The following CACNA2D3 variants were observed in gnomAD, a reference collection of about 807,000 sequenced individuals.
The protein encoded by CACNA2D3 is voltage-dependent calcium channel subunit alpha-2/delta-3.
Under a neutral mutation model 160.6 loss-of-function variants are expected in CACNA2D3, and 60 were observed. That is an observed-to-expected ratio of 0.37 (90% CI 0.30 to 0.46). CACNA2D3 has a LOEUF of 0.46. Among genes scored for constraint, CACNA2D3 ranks in the 20% least tolerant of loss-of-function variants. CACNA2D3 has a pLI of 1.00. For synonymous variants in CACNA2D3, 558 were observed against 492.9 expected (o/e 1.13, Z -1.75); for missense variants, 1,205 against 1,365.0 (o/e 0.88, Z 1.85).
At chr3:54,660,940 T>G (rs1432501277) in intron 11 of CACNA2D3, among the ~76,000 whole-genome samples, 1 of 152,132 alleles carries the variant, frequency 6.6e-6, no homozygotes, top group Non-Finnish European at 1.5e-5. Context: ...ACAGCTGAGG[T>G]TGGTGACTGA....
intron 5 of CACNA2D3, among the ~76,000 whole-genome samples, 185 bp downstream of exon 5, chr3:54,503,839 G>A (rs7430102): frequency 0.12 from 17,827 of 152,150 alleles, 1,269 homozygotes; most frequent in East Asian, 0.28. Context: ...TGGAGCTTCT[G>A]GGCTTGCTGT....
At position 54,763,788 on chromosome 3, in the gene CACNA2D3, T is replaced by TAC. The variant is rs374469206; in HGVS notation, c.1247-430_1247-429insAC. The stretch of plus-strand genomic sequence containing the variant: ...ATATATGTATATATGTACATATATA[T>TAC]GTATATATATGTACATATATATACA... On this transcript the variant is annotated intron_variant, in intron 12 of 37. Coordinates refer to ENST00000474759, the MANE Select transcript of CACNA2D3 (RefSeq NM_018398.3). 2.0e-3 allele frequency among the ~76,000 whole-genome samples: 79 copies of TAC among 38,540 alleles called. 15 individuals are homozygous for TAC. The highest frequency in any genetic ancestry group is 2.0e-3 in the South Asian group (2 of 998). 25.3% of individuals were successfully genotyped at this position (38,540 alleles called of 152,430 possible). A position where few individuals can be genotyped will look rare whatever the true frequency, so the allele number is the denominator to read the frequency against.
intron 17 of CACNA2D3, among the ~76,000 whole-genome samples, chr3:54,855,113 T>C (rs919690265): frequency 1.3e-5 from 2 of 152,318 alleles, no homozygotes; most frequent in Admixed American, 6.5e-5. Context: ...GGCCCTAGGA[T>C]GCCCACCTGT....
At chr3:54,747,680 A>T (rs1272371540) in intron 11 of CACNA2D3, among the ~76,000 whole-genome samples, 1 of 152,128 alleles carries the variant, frequency 6.6e-6, no homozygotes, top group African/African-American at 2.4e-5. Flanking sequence ...GCATTCCATT[A>T]ACACGAGCCC....
chr3:54,378,852 G>A (rs1699053490), intron 3 of CACNA2D3, among the ~76,000 whole-genome samples: 1 of 152,182 alleles, frequency 6.6e-6, no homozygotes, highest in African/African-American at 2.4e-5. Flanking sequence ...TGCAAATGTT[G>A]CACTTTGGCA....
intron 5 of CACNA2D3, among the ~76,000 whole-genome samples, chr3:54,541,289 A>AG: frequency 6.7e-6 from 1 of 150,260 alleles, no homozygotes; most frequent in South Asian, 2.1e-4. Context: ...AAAAAAAAAA[A>AG]AAAAAAAAAA....
intron 35 of CACNA2D3, among the ~76,000 whole-genome samples, chr3:55,053,689 G>C (rs1365027402): frequency 6.6e-6 from 1 of 151,894 alleles, no homozygotes; most frequent in Middle Eastern, 3.2e-3. Flanking sequence ...TGGTAGGTTT[G>C]ATTACATTTC....
intron 2 of CACNA2D3, among the ~76,000 whole-genome samples, chr3:54,224,563 A>G (rs1473602576): frequency 2.6e-5 from 4 of 152,158 alleles, no homozygotes; most frequent in Admixed American, 2.6e-4. Flanking sequence ...TTATGAGACC[A>G]CCGTCGTATA....
chr3:54,253,976 A>T (rs1181673692), intron 2 of CACNA2D3, among the ~76,000 whole-genome samples: 2 of 152,034 alleles, frequency 1.3e-5, no homozygotes, highest in African/African-American at 2.4e-5. Context: ...CATGTTGGCC[A>T]GGCTGGTTTT....
intron 13 of CACNA2D3, among the ~76,000 whole-genome samples, chr3:54,801,416 A>G (rs924489339): frequency 6.6e-6 from 1 of 152,204 alleles, no homozygotes; most frequent in Admixed American, 6.5e-5. Flanking sequence ...GAAATGTGCA[A>G]TACCCTTTAA....
At chr3:54,993,402 A>G (rs1266084486) in intron 31 of CACNA2D3, among the ~76,000 whole-genome samples, 1 of 152,174 alleles carries the variant, frequency 6.6e-6, no homozygotes, top group Non-Finnish European at 1.5e-5. Context: ...AATGTAATAC[A>G]TCTTGCCTGA....
Position 54,811,522 on chromosome 3 carries a change from G to A in CACNA2D3, c.1381-5331G>A, listed in dbSNP as rs544746241. Among the ~76,000 whole-genome samples the A allele has an allele frequency of 3.4e-3, 383 of 114,012 alleles. 5 individuals carry two copies. The highest frequency in any genetic ancestry group is 0.012 in the African/African-American group (355 of 30,862). The allele number at this position is 114,012 out of a possible 152,430, so 74.8% of individuals were successfully genotyped here. A position where few individuals can be genotyped will look rare whatever the true frequency, so the allele number is the denominator to read the frequency against. On this transcript the variant is annotated intron_variant, in intron 13 of 37. Transcript: ENST00000474759. ...TTTTTTTTTTTTTTTTTTTGAGACA[G>A]CATCTCACTCTGTCACCCAGGCTGG...
intron 2 of CACNA2D3, among the ~76,000 whole-genome samples, chr3:54,236,853 G>A (rs1313515952): frequency 6.6e-6 from 1 of 151,998 alleles, no homozygotes; most frequent in Non-Finnish European, 1.5e-5. Context: ...CTGAACTTCA[G>A]TTTCCTCATT....
In CACNA2D3 at chr3:54,488,654, C is replaced by T. The variant is rs149749890; in HGVS notation, c.382-14838C>T. Among the ~76,000 whole-genome samples the T allele has an allele frequency of 5.6e-4, 86 of 152,254 alleles. 3 individuals are homozygous for T. The East Asian group carries it at 0.016, about 29-fold the overall frequency. On this transcript the variant is annotated intron_variant, in intron 4 of 37. Coordinates refer to ENST00000474759, the MANE Select transcript of CACNA2D3 (RefSeq NM_018398.3). Reference sequence around the variant, plus strand: ...CATTGCTGAGGTGGGACACTCCCTTCTCTCTTTCTTCGCATTCCTTCAACA... The same window carrying T: ...CATTGCTGAGGTGGGACACTCCCTTTTCTCTTTCTTCGCATTCCTTCAACA...
chr3:54,495,497 C>G (rs1052665427), intron 4 of CACNA2D3, among the ~76,000 whole-genome samples: 3 of 152,076 alleles, frequency 2.0e-5, no homozygotes, highest in Non-Finnish European at 4.4e-5. Flanking sequence ...ACCTGTAATC[C>G]CAGCACTTTG....
At chr3:54,203,234 G>GGAAGGGTC (rs1038630590) in intron 2 of CACNA2D3, among the ~76,000 whole-genome samples, 6 of 152,200 alleles carry the variant, frequency 3.9e-5, no homozygotes, top group African/African-American at 1.4e-4. Context: ...AAATGAAACG[G>GGAAGGGTC]GAAGGGTCCC....
chr3:54,773,866 A>C (rs144201790), intron 13 of CACNA2D3, among the ~76,000 whole-genome samples: 1 of 152,208 alleles, frequency 6.6e-6, no homozygotes, highest in African/African-American at 2.4e-5. Flanking sequence ...AAAACTCTAT[A>C]TGGGTGACTG....
intron 17 of CACNA2D3, among the ~76,000 whole-genome samples, chr3:54,849,862 A>G (rs1699017862): frequency 6.6e-6 from 1 of 152,198 alleles, no homozygotes; most frequent in Non-Finnish European, 1.5e-5. Flanking sequence ...CAGAGGAAAG[A>G]GGTGGGTTTC....
At chr3:54,882,120 C>G (rs1699812423) in intron 21 of CACNA2D3, among the ~76,000 whole-genome samples, 1 of 152,212 alleles carries the variant, frequency 6.6e-6, no homozygotes, top group African/African-American at 2.4e-5. Flanking sequence ...GTGACTTGAG[C>G]AAGACACTCT....
Sources: allele counts gnomAD v4.1 joint callset (sites outside exome capture counted in the v4.1 genomes callset), GRCh38; gene constraint gnomAD v4.1.1; transcripts MANE v1.5; gene names NCBI Gene and HGNC (gene_info 2026-07-23, HGNC 2026-07-21).